The following ARL13B variants were observed in gnomAD, a reference collection of about 807,000 sequenced individuals.
The protein encoded by ARL13B is ADP-ribosylation factor-like protein 13B.
In ARL13B, 36 loss-of-function variants were observed where a neutral mutation model predicts 56.1. That is an observed-to-expected ratio of 0.64 (90% CI 0.49 to 0.85). The LOEUF is 0.85. Ranked by LOEUF, ARL13B falls within the 40% of genes least tolerant of loss-of-function variation. The pLI is 0.00. For missense variants in ARL13B, 519 were observed against 507.1 expected (o/e 1.02, Z -0.23); for synonymous variants, 178 against 171.1 (o/e 1.04, Z -0.32).
chr3:94,050,681 T>G, intron 8 of ARL13B, 143 bp from the exon 9 acceptor site: 1 of 681,088 alleles, frequency 1.5e-6, no homozygotes, highest in Non-Finnish European at 2.5e-6. Flanking sequence ...TAAAATGGGT[T>G]TCTGGCTTTC....
At chr3:94,041,272 A>G (rs1000596985) in intron 6 of ARL13B, among the ~76,000 whole-genome samples, 2 of 152,156 alleles carry the variant, frequency 1.3e-5, no homozygotes, top group African/African-American at 4.8e-5. Flanking sequence ...AAACCTATTT[A>G]TGTATGAGCA....
intron 1 of ARL13B, among the ~76,000 whole-genome samples, chr3:93,985,992 A>AAT: frequency 6.6e-6 from 1 of 152,290 alleles, no homozygotes; most frequent in South Asian, 2.1e-4. Flanking sequence ...GGCCTAAATA[A>AAT]ATATAACTGT....
intron 1 of ARL13B, among the ~76,000 whole-genome samples, chr3:93,981,894 A>G (rs1256921956): frequency 4.0e-5 from 6 of 151,624 alleles, no homozygotes; most frequent in South Asian, 2.1e-4. Flanking sequence ...AAAAAAGAAA[A>G]AAGTCAAAGA....
intron 3 of ARL13B, among the ~76,000 whole-genome samples, chr3:94,029,738 C>T (rs1181949009): frequency 2.0e-5 from 3 of 152,086 alleles, no homozygotes; most frequent in African/African-American, 7.2e-5. Flanking sequence ...CTTTTTATAG[C>T]ACTCTTTGTA....
At chr3:94,051,003 C>T (rs1175888045) in intron 9 of ARL13B, 111 bp downstream of exon 9, 2 of 903,696 alleles carry the variant, frequency 2.2e-6, no homozygotes, top group South Asian at 3.1e-5. Context: ...CTTGTCAAAT[C>T]CACAGCTATC....
chr3:93,983,267 T>A (rs1365610799), intron 1 of ARL13B, among the ~76,000 whole-genome samples: 5 of 152,122 alleles, frequency 3.3e-5, no homozygotes, highest in Admixed American at 6.5e-5. Context: ...GAGTCAGAGA[T>A]CAAGTGTTAA....
At chr3:94,015,128 C>G (rs750038137) in intron 3 of ARL13B, 76 of 1,613,858 alleles carry the variant, frequency 4.7e-5, no homozygotes, top group Non-Finnish European at 6.3e-5. Context: ...AGGTGTCTCT[C>G]AGCTACAGGC....
chr3:94,014,815 T>C (rs771493068), intron 3 of ARL13B: 4 of 1,614,134 alleles, frequency 2.5e-6, no homozygotes, highest in Non-Finnish European at 3.4e-6. Flanking sequence ...TATTGTGTCA[T>C]TGTATATAAA....
chr3:94,017,369 T>C (rs2076355227), intron 3 of ARL13B, among the ~76,000 whole-genome samples: 1 of 152,192 alleles, frequency 6.6e-6, no homozygotes. Context: ...CAAATATTGC[T>C]TTCCCAAGAT....
intron 3 of ARL13B, among the ~76,000 whole-genome samples, chr3:94,004,459 G>T (rs952423967): frequency 6.6e-6 from 1 of 152,070 alleles, no homozygotes; most frequent in Non-Finnish European, 1.5e-5. Context: ...AAGGACTTTT[G>T]CACTACCAGC....
At chr3:93,986,730 T>C (rs1298946443) in intron 1 of ARL13B, among the ~76,000 whole-genome samples, 1 of 152,082 alleles carries the variant, frequency 6.6e-6, no homozygotes, top group African/African-American at 2.4e-5. Flanking sequence ...GCACTTTGGG[T>C]GGCCGTGGTG....
At chr3:94,040,670 T>C (rs2076845950) in intron 6 of ARL13B, among the ~76,000 whole-genome samples, 1 of 151,414 alleles carries the variant, frequency 6.6e-6, no homozygotes, top group South Asian at 2.1e-4. Flanking sequence ...GCTGACTTCC[T>C]GGTCCTACCT....
chr3:94,015,012 A>ACTT, intron 3 of ARL13B: 1 of 1,614,050 alleles, frequency 6.2e-7, no homozygotes, highest in African/African-American at 1.3e-5. Flanking sequence ...TCTTAAGTAG[A>ACTT]CTAAACCTTC....
At chr3:93,992,740 A>G (rs190749850) in intron 1 of ARL13B, among the ~76,000 whole-genome samples, 3 of 152,240 alleles carry the variant, frequency 2.0e-5, no homozygotes, top group Non-Finnish European at 4.4e-5. Flanking sequence ...CTTTAGTCCA[A>G]TTCATTATAT....
rs1305275892 is a variant in ARL13B at position 94,055,644 on chromosome 3, T to A, written c.*2381T>A. 1 of 452,936 alleles carries A rather than the reference T, an allele frequency of 2.2e-6. No individual in the cohort carries two copies. Among genetic ancestry groups the A allele is most frequent in the Admixed American group, 2.4e-5 (1 of 42,502 alleles). The allele number at this position is 452,936 out of a possible 1,614,324, so 28.1% of individuals were successfully genotyped here. A position where few individuals can be genotyped will look rare whatever the true frequency, so the allele number is the denominator to read the frequency against. Reference sequence around the variant, plus strand: ...TAGTATACATGATATTGTATGTAACTGACTTCAAATATAAAACTATGCATA... The same window carrying A: ...TAGTATACATGATATTGTATGTAACAGACTTCAAATATAAAACTATGCATA... On this transcript the variant is annotated 3_prime_UTR_variant, in exon 10 of 10. Coordinates refer to ENST00000394222, the MANE Select transcript of ARL13B (RefSeq NM_001174150.2).
At chr3:94,012,962 A>C (rs1198430056) in intron 3 of ARL13B, among the ~76,000 whole-genome samples, 1 of 152,166 alleles carries the variant, frequency 6.6e-6, no homozygotes, top group Non-Finnish European at 1.5e-5. Flanking sequence ...TGTTGATTAC[A>C]CTTGTGTGAA....
chr3:94,039,785 A>G, intron 5 of ARL13B, 95 bp from the exon 6 acceptor site: 1 of 1,015,930 alleles, frequency 9.8e-7, no homozygotes, highest in South Asian at 1.4e-5. Context: ...TGTTTAAATT[A>G]CTACATGTAA....
At chr3:94,005,086 C>T (rs1435182319) in intron 3 of ARL13B, among the ~76,000 whole-genome samples, 1 of 152,012 alleles carries the variant, frequency 6.6e-6, no homozygotes, top group African/African-American at 2.4e-5. Context: ...TTAATACATG[C>T]ATTAATTCAA....
chr3:94,048,889 G>A (rs937502277), intron 7 of ARL13B, among the ~76,000 whole-genome samples: 1 of 152,076 alleles, frequency 6.6e-6, no homozygotes, highest in Non-Finnish European at 1.5e-5. Flanking sequence ...GAGCTGCCAT[G>A]CATAGCCTTG....
Sources: allele counts gnomAD v4.1 joint callset (sites outside exome capture counted in the v4.1 genomes callset), GRCh38; gene constraint gnomAD v4.1.1; transcripts MANE v1.5; gene names NCBI Gene and HGNC (gene_info 2026-07-23, HGNC 2026-07-21).